The following LRMDA variants were observed in gnomAD, a reference collection of about 807,000 sequenced individuals.
LRMDA encodes leucine rich melanocyte differentiation associated, also known as leucine-rich melanocyte differentiation-associated protein.
LRMDA carries 18 observed loss-of-function variants against 29.8 expected under a neutral mutation model. That is an observed-to-expected ratio of 0.60 (90% confidence interval 0.42 to 0.90). LRMDA has a LOEUF of 0.90. Among genes scored for constraint, LRMDA ranks in the 40% least tolerant of loss-of-function variants. LRMDA has a pLI of 0.00. For synonymous variants in LRMDA, 125 were observed against 109.4 expected (o/e 1.14, Z -0.89); for missense variants, 273 against 273.9 (o/e 1.00, Z 0.02).
At chr10:75,848,507 T>G (rs1844678957) in intron 2 of LRMDA, among the ~76,000 whole-genome samples, 1 of 152,240 alleles carries the variant, frequency 6.6e-6, no homozygotes, top group Non-Finnish European at 1.5e-5. Context: ...ACCTCTGTGC[T>G]ATGCTGAGTC....
intron 5 of LRMDA, among the ~76,000 whole-genome samples, chr10:76,068,951 T>C (rs1848831245): frequency 6.6e-6 from 1 of 152,180 alleles, no homozygotes; most frequent in Non-Finnish European, 1.5e-5. Context: ...CAAAAGAAAT[T>C]ATCTCTGCCC....
At chr10:75,921,801 T>C (rs1299348005) in intron 2 of LRMDA, among the ~76,000 whole-genome samples, 1 of 152,252 alleles carries the variant, frequency 6.6e-6, no homozygotes, top group Non-Finnish European at 1.5e-5. Context: ...GCTCTTGTTG[T>C]GAGGAAGTTT....
intron 6 of LRMDA, among the ~76,000 whole-genome samples, chr10:76,331,811 T>C (rs1289068042): frequency 1.3e-5 from 2 of 152,246 alleles, no homozygotes; most frequent in Non-Finnish European, 2.9e-5. Flanking sequence ...AATGCTTTTA[T>C]GGGCTTATAA....
chr10:75,695,501 C>G (rs561690691), intron 2 of LRMDA, among the ~76,000 whole-genome samples: 19 of 151,762 alleles, frequency 1.3e-4, no homozygotes, highest in Non-Finnish European at 2.5e-4. Flanking sequence ...TCCCTTTGTT[C>G]TTCCTTTTCC....
At chr10:75,666,758 A>G (rs925875929) in intron 2 of LRMDA, among the ~76,000 whole-genome samples, 1 of 152,318 alleles carries the variant, frequency 6.6e-6, no homozygotes, top group Non-Finnish European at 1.5e-5. Flanking sequence ...TAAGACAAGT[A>G]CCAAAACAGG....
chr10:76,203,605 C>G (rs751855093), intron 5 of LRMDA, among the ~76,000 whole-genome samples: 1 of 152,202 alleles, frequency 6.6e-6, no homozygotes, highest in African/African-American at 2.4e-5. Flanking sequence ...CAAAACAAAG[C>G]AAATCTCTAT....
rs376071517 is a variant in LRMDA at position 76,062,656 on chromosome 10, CTGTGTG to C, written c.516+3909_516+3914del. Among the ~76,000 whole-genome samples, 453 of 139,258 alleles carry C rather than the reference CTGTGTG, an allele frequency of 3.3e-3. 1 individual carries two copies. The highest frequency in any genetic ancestry group is 0.029 in the East Asian group (143 of 4,854). The allele number at this position is 139,258 out of a possible 152,430, so 91.4% of individuals were successfully genotyped here. On this transcript the variant is annotated intron_variant, in intron 5 of 6. Coordinates refer to ENST00000611255, the MANE Select transcript of LRMDA (RefSeq NM_001305581.2). ...ATGGATGCTTCCAGACTTTATCTCTCTGTGTGTGTGTGTGTGTGTGTGTGTGTGTGT... is the reference window on the plus strand; with the variant it reads ...ATGGATGCTTCCAGACTTTATCTCTCTGTGTGTGTGTGTGTGTGTGTGTGT...
intron 2 of LRMDA, among the ~76,000 whole-genome samples, chr10:75,632,782 GTTTTTTTTTTTTTTT>G (rs386371855): frequency 6.9e-5 from 3 of 43,256 alleles, no homozygotes; most frequent in African/African-American, 2.5e-4. Context: ...GTTTAGTTTA[GTTTTTTTTTTTTTTT>G]TTTTTTTTTT....
intron 5 of LRMDA, among the ~76,000 whole-genome samples, chr10:76,168,814 T>A (rs1478221606): frequency 6.6e-6 from 1 of 152,218 alleles, no homozygotes; most frequent in Non-Finnish European, 1.5e-5. Context: ...TTGCTTTATG[T>A]TCTTAAAATT....
At chr10:76,058,993 A>G (rs1237108849) in intron 5 of LRMDA, among the ~76,000 whole-genome samples, 3 of 152,222 alleles carry the variant, frequency 2.0e-5, no homozygotes, top group African/African-American at 7.2e-5. Context: ...AGCACTATGC[A>G]TAGCCCAATG....
intron 5 of LRMDA, among the ~76,000 whole-genome samples, chr10:76,194,708 G>A (rs1387026558): frequency 2.0e-5 from 3 of 152,136 alleles, no homozygotes; most frequent in African/African-American, 4.8e-5. Context: ...ACCTGTCTCT[G>A]CAGACAGACC....
chr10:76,060,592 T>G (rs922017099), intron 5 of LRMDA, among the ~76,000 whole-genome samples: 1 of 152,142 alleles, frequency 6.6e-6, no homozygotes, highest in African/African-American at 2.4e-5. Context: ...TCTCTCTGCT[T>G]TCTCACCCCT....
intron 5 of LRMDA, among the ~76,000 whole-genome samples, chr10:76,251,164 G>C (rs969535970): frequency 2.7e-5 from 4 of 150,328 alleles, no homozygotes; most frequent in Non-Finnish European, 4.4e-5. Context: ...TCTAAGTCTG[G>C]TCACACTGAT....
chr10:76,344,822 A>G (rs10824407), intron 6 of LRMDA, among the ~76,000 whole-genome samples: 16,158 of 151,468 alleles, frequency 0.11, 1,006 homozygotes, highest in East Asian at 0.31. Context: ...GGGACATATA[A>G]TAGGTATTTG....
chr10:75,556,749 A>ATTTT (rs143334606), intron 2 of LRMDA, among the ~76,000 whole-genome samples: 7 of 142,768 alleles, frequency 4.9e-5, no homozygotes, highest in Non-Finnish European at 9.1e-5. Flanking sequence ...TGGTTGCATG[A>ATTTT]TTGTTTTTTT....
At chr10:75,467,291 G>A (rs998995377) in intron 2 of LRMDA, among the ~76,000 whole-genome samples, 2 of 152,188 alleles carry the variant, frequency 1.3e-5, no homozygotes, top group African/African-American at 4.8e-5. Flanking sequence ...AACAGTTGCA[G>A]CCAAGGCTTG....
chr10:75,501,188 C>T (rs940098682), intron 2 of LRMDA, among the ~76,000 whole-genome samples: 2 of 152,096 alleles, frequency 1.3e-5, no homozygotes, highest in African/African-American at 4.8e-5. Context: ...CACCTATTAC[C>T]CCAGTAGGAG....
chr10:76,551,579 A>C (rs1304774077), intron 6 of LRMDA, among the ~76,000 whole-genome samples: 2 of 152,200 alleles, frequency 1.3e-5, no homozygotes, highest in African/African-American at 4.8e-5. Flanking sequence ...AGGGCTTACA[A>C]CTTCAGATAG....
At chr10:76,273,042 T>C (rs1840087706) in intron 5 of LRMDA, among the ~76,000 whole-genome samples, 1 of 151,500 alleles carries the variant, frequency 6.6e-6, no homozygotes. Flanking sequence ...TAACCACTTA[T>C]TTTTTTTTCT....
Sources: allele counts gnomAD v4.1 joint callset (sites outside exome capture counted in the v4.1 genomes callset), GRCh38; gene constraint gnomAD v4.1.1; transcripts MANE v1.5; gene names NCBI Gene and HGNC (gene_info 2026-07-23, HGNC 2026-07-21).